TRIM37: variants seen among roughly 807,000 people sequenced by gnomAD.
TRIM37 encodes the protein E3 ubiquitin-protein ligase TRIM37.
Under a neutral mutation model 129.8 loss-of-function variants are expected in TRIM37, and 80 were observed. The ratio of observed to expected loss-of-function variants is 0.62; its 90% CI spans 0.51 to 0.74. The LOEUF (loss-of-function observed/expected upper bound fraction) is 0.74, where lower values mean the gene tolerates loss of function less well. Among genes scored for constraint, TRIM37 ranks in the 30% least tolerant of loss-of-function variants. The pLI is 0.00. For missense variants in TRIM37, 1,054 were observed against 1,176.5 expected (o/e 0.90, Z 1.52); for synonymous variants, 389 against 387.1 (o/e 1.00, Z -0.06).
At position 59,081,228 on chromosome 17, in the gene TRIM37, A is replaced by G; in HGVS notation, c.370-9T>C. 6.2e-6 allele frequency: 10 copies of G among 1,612,404 alleles called. No homozygotes were observed. The highest frequency in any genetic ancestry group is 8.5e-6 in the Non-Finnish European group (10 of 1,179,096). On this transcript the variant is annotated splice_polypyrimidine_tract_variant and intron_variant, in intron 5 of 23. Transcript: ENST00000262294. Reference sequence around the variant, plus strand: ...AAGGTATGTCCGCCATGCTATTTAAATTAGAGTAGCTTTAGAACACTTTCA... The same window carrying G: ...AAGGTATGTCCGCCATGCTATTTAAGTTAGAGTAGCTTTAGAACACTTTCA...
intron 8 of TRIM37, 65 bp downstream of exon 8, chr17:59,075,582 A>C (rs1485025772): frequency 7.5e-5 from 80 of 1,071,812 alleles, no homozygotes; most frequent in South Asian, 1.4e-4. Context: ...AAAAAAAAAA[A>C]AACAACTACA....
chr17:59,102,631 A>C (rs1343244381), intron 2 of TRIM37, among the ~76,000 whole-genome samples: 8 of 152,204 alleles, frequency 5.3e-5, no homozygotes, highest in African/African-American at 9.6e-5. Context: ...CAGCTGAAGA[A>C]AGAAGGCCAA....
intron 12 of TRIM37, 29 bp from the exon 13 acceptor site, chr17:59,057,083 A>C: frequency 6.3e-7 from 1 of 1,596,000 alleles, no homozygotes; most frequent in Non-Finnish European, 8.6e-7. Flanking sequence ...CCATTACTAT[A>C]CAGTTAGTAA....
intron 12 of TRIM37, among the ~76,000 whole-genome samples, chr17:59,058,319 G>C (rs2146404013): frequency 6.6e-6 from 1 of 152,292 alleles, no homozygotes; most frequent in Non-Finnish European, 1.5e-5. Flanking sequence ...TTATATTGTG[G>C]GAGCTAAATG....
chr17:59,042,441 A>ATATAT (rs1555661491), intron 16 of TRIM37, among the ~76,000 whole-genome samples: 12 of 84,436 alleles, frequency 1.4e-4, no homozygotes, highest in Middle Eastern at 5.4e-3. Context: ...TAAAAAAAAA[A>ATATAT]AAAAAAAAAT....
intron 17 of TRIM37, among the ~76,000 whole-genome samples, chr17:59,037,344 A>G (rs998311333): frequency 1.3e-5 from 2 of 151,536 alleles, no homozygotes; most frequent in Admixed American, 6.6e-5. Flanking sequence ...AGATCACAAG[A>G]TCAGGAGATC....
intron 2 of TRIM37, among the ~76,000 whole-genome samples, chr17:59,096,892 A>G (rs1389077567): frequency 6.6e-6 from 1 of 152,178 alleles, no homozygotes; most frequent in Non-Finnish European, 1.5e-5. Context: ...AAATCCCAAT[A>G]AAACTAATTC....
chr17:59,088,087 T>C (rs888159388), intron 4 of TRIM37: 8 of 613,986 alleles, frequency 1.3e-5, no homozygotes, highest in Non-Finnish European at 2.0e-5. Context: ...TATCTGTGTA[T>C]ACATGGCATG....
In TRIM37 at chr17:59,060,892, C is replaced by T. The variant is rs928944776; in HGVS notation, c.1019+140G>A. 7.0e-5 allele frequency: 45 copies of T among 641,628 alleles called. No homozygotes were observed. The East Asian group carries it at 1.3e-3, about 18-fold the overall frequency. 39.7% of individuals were successfully genotyped at this position (641,628 alleles called of 1,614,324 possible). On this transcript the variant is annotated intron_variant, in intron 12 of 23. Coordinates refer to ENST00000262294, the MANE Select transcript of TRIM37 (RefSeq NM_015294.6). ...ATTTTGTTTTTAGAAAAATACCATC[C>T]TATGATGCCAAGAACATATTATTCT... is the stretch of plus-strand genomic sequence containing the variant.
intron 19 of TRIM37, among the ~76,000 whole-genome samples, chr17:59,024,163 G>A (rs535273078): frequency 7.1e-6 from 1 of 141,068 alleles, no homozygotes; most frequent in Non-Finnish European, 1.5e-5. Flanking sequence ...GCAGTGAGCC[G>A]AGATCGCCCC....
intron 10 of TRIM37, among the ~76,000 whole-genome samples, chr17:59,063,104 T>A (rs1012383568): frequency 1.3e-5 from 2 of 151,602 alleles, no homozygotes; most frequent in African/African-American, 2.4e-5. Flanking sequence ...AGACTATGTT[T>A]TAGCCACAAA....
downstream of TRIM37, among the ~76,000 whole-genome samples, chr17:58,996,259 G>A (rs912580189): frequency 2.0e-5 from 3 of 151,914 alleles, no homozygotes; most frequent in African/African-American, 4.8e-5. Flanking sequence ...ATCACTTGAT[G>A]TCAGAGTTCG....
In TRIM37 at chr17:58,998,354, T is replaced by C. The variant is rs368742554; in HGVS notation, c.*1023A>G. Reference sequence around the variant, plus strand: ...AGATGAGATGTCTCTCACATGTATATTTAATTATTCATGCTTTTTCAATAG... The same window carrying C: ...AGATGAGATGTCTCTCACATGTATACTTAATTATTCATGCTTTTTCAATAG... On this transcript the variant is annotated 3_prime_UTR_variant, in exon 24 of 24. Coordinates refer to ENST00000262294, the MANE Select transcript of TRIM37 (RefSeq NM_015294.6). 1 of 985,238 alleles carries C rather than the reference T, an allele frequency of 1.0e-6. No homozygotes were observed. Among genetic ancestry groups the C allele is most frequent in the African/African-American group, 1.7e-5 (1 of 57,250 alleles). The allele number at this position is 985,238 out of a possible 1,614,324, so 61.0% of individuals were successfully genotyped here. A position where few individuals can be genotyped will look rare whatever the true frequency, so the allele number is the denominator to read the frequency against.
chr17:59,007,233 A>ACCCACC (rs1292517090), intron 22 of TRIM37, among the ~76,000 whole-genome samples: 1 of 41,610 alleles, frequency 2.4e-5, no homozygotes, highest in Non-Finnish European at 4.6e-5. Flanking sequence ...CCACCCACCC[A>ACCCACC]CACACACACA....
intron 22 of TRIM37, among the ~76,000 whole-genome samples, chr17:59,006,168 C>A (rs1489298354): frequency 6.6e-6 from 1 of 152,116 alleles, no homozygotes; most frequent in Non-Finnish European, 1.5e-5. Flanking sequence ...ATGAAAACGC[C>A]TGGTCTTTTA....
intron 19 of TRIM37, among the ~76,000 whole-genome samples, chr17:59,017,927 G>A (rs929064456): frequency 5.3e-5 from 8 of 152,004 alleles, no homozygotes; most frequent in African/African-American, 1.4e-4. Context: ...CACACCGCCC[G>A]TAAAATCTTA....
chr17:58,967,517 TATAGAGAG>T, the TRIM37 span, among the ~76,000 whole-genome samples: 1,283 of 149,452 alleles, frequency 8.6e-3, 20 homozygotes, highest in African/African-American at 0.029. Context: ...TATATATATA[TATAGAGAG>T]AGAGAGAGAG....
chr17:58,978,724 T>C (rs944782020), downstream of TRIM37, among the ~76,000 whole-genome samples: 1 of 152,100 alleles, frequency 6.6e-6, no homozygotes, highest in African/African-American at 2.4e-5. Flanking sequence ...AAAAGTGAAT[T>C]GAGAGTCCCT....
At chr17:59,091,505 C>T (rs1350124514) in intron 2 of TRIM37, among the ~76,000 whole-genome samples, 165 bp from the exon 3 acceptor site, 4 of 94,796 alleles carry the variant, frequency 4.2e-5, no homozygotes, top group Admixed American at 1.3e-4. Flanking sequence ...TATTATATAA[C>T]ATATCATATA....
Sources: gnomAD v4.1 joint callset for allele counts (sites outside exome capture counted in the v4.1 genomes callset) on GRCh38, gnomAD v4.1.1 for gene constraint, MANE v1.5 for transcripts, NCBI Gene and HGNC (gene_info 2026-07-23, HGNC 2026-07-21) for gene names.